The following AKR1C8 variants were observed in gnomAD, a reference collection of about 807,000 sequenced individuals.
AKR1C8 encodes aldo-keto reductase family 1 member C-like protein 1.
the AKR1C8 span, among the ~76,000 whole-genome samples, chr10:5,119,526 T>C: frequency 0.28 from 42,617 of 152,214 alleles, 6,422 homozygotes; most frequent in African/African-American, 0.39. Flanking sequence ...ACATTATTTT[T>C]GTTCTCTATC....
the AKR1C8 span, among the ~76,000 whole-genome samples, chr10:5,151,808 C>T: frequency 2.6e-5 from 4 of 152,204 alleles, no homozygotes; most frequent in Admixed American, 2.0e-4. Context: ...CTGCCCACCT[C>T]GGCCTCCCAA....
the AKR1C8 span, among the ~76,000 whole-genome samples, chr10:5,153,485 G>A: frequency 1.2e-4 from 18 of 152,222 alleles, no homozygotes; most frequent in African/African-American, 3.6e-4. Flanking sequence ...GGGTTAGTCC[G>A]TTGTCACACT....
At chr10:5,135,305 A>G in the AKR1C8 span, 2 of 164,588 alleles carry the variant, frequency 1.2e-5, no homozygotes, top group African/African-American at 4.8e-5. Flanking sequence ...TTGTATAAAC[A>G]ATGGGCAGGC....
At chr10:5,184,906 G>A in the AKR1C8 span, 2 of 392,950 alleles carry the variant, frequency 5.1e-6, no homozygotes, top group Non-Finnish European at 1.1e-5. Flanking sequence ...TCCCAGATGA[G>A]CCCTTCCAAG....
the AKR1C8 span, among the ~76,000 whole-genome samples, chr10:5,167,476 C>T: frequency 6.3e-4 from 96 of 152,286 alleles, no homozygotes; most frequent in Non-Finnish European, 1.1e-3. Context: ...AAGTTCATGT[C>T]CTTTGTAGGG....
chr10:5,125,788 G>T, the AKR1C8 span, among the ~76,000 whole-genome samples: 1 of 152,170 alleles, frequency 6.6e-6, no homozygotes. Flanking sequence ...GCTGGTGCTG[G>T]TACCCACTGC....
chr10:5,126,595 G>T, the AKR1C8 span, among the ~76,000 whole-genome samples: 8 of 152,188 alleles, frequency 5.3e-5, no homozygotes, highest in South Asian at 1.7e-3. Context: ...CTGGCCTGGG[G>T]TGGTATCCCT....
At chr10:5,163,220 T>C in the AKR1C8 span, among the ~76,000 whole-genome samples, 1 of 152,180 alleles carries the variant, frequency 6.6e-6, no homozygotes, top group African/African-American at 2.4e-5. Flanking sequence ...ATTAGAGAAA[T>C]TGGCTTCACC....
chr10:5,165,927 T>C, the AKR1C8 span, among the ~76,000 whole-genome samples: 1 of 152,000 alleles, frequency 6.6e-6, no homozygotes, highest in Non-Finnish European at 1.5e-5. Flanking sequence ...GACTAACTTG[T>C]TCAGATCTAT....
chr10:5,161,928 T>A, the AKR1C8 span: 1 of 534,596 alleles, frequency 1.9e-6, no homozygotes, highest in Non-Finnish European at 3.8e-6. Flanking sequence ...GTGACCTTTC[T>A]AGGGCCGGGT....
the AKR1C8 span, chr10:5,157,517 C>T: frequency 2.9e-6 from 1 of 350,224 alleles, no homozygotes; most frequent in Non-Finnish European, 5.8e-6. Context: ...GCCCTCCTCC[C>T]TTAGCACAGA....
At chr10:5,120,773 G>A in the AKR1C8 span, among the ~76,000 whole-genome samples, 2 of 152,020 alleles carry the variant, frequency 1.3e-5, no homozygotes, top group Admixed American at 6.6e-5. Flanking sequence ...TTTTGGGGGG[G>A]ACTGAATCTC....
chr10:5,180,957 G>A, the AKR1C8 span, among the ~76,000 whole-genome samples: 1,084 of 152,254 alleles, frequency 7.1e-3, 2 homozygotes, highest in Non-Finnish European at 0.01. Context: ...GCAATGCCTC[G>A]CCCTGCTTTG....
At chr10:5,182,007 T>A in the AKR1C8 span, among the ~76,000 whole-genome samples, 4 of 152,186 alleles carry the variant, frequency 2.6e-5, no homozygotes, top group Non-Finnish European at 5.9e-5. Context: ...AAAACTGAAG[T>A]AATCCTTTTT....
the AKR1C8 span, chr10:5,160,967 A>G: frequency 4.4e-6 from 2 of 454,216 alleles, 1 homozygote; most frequent in South Asian, 3.2e-5. Flanking sequence ...GCTCGGCCAA[A>G]CAACCTTCAA....
At chr10:5,139,909 C>T in the AKR1C8 span, among the ~76,000 whole-genome samples, 2 of 152,076 alleles carry the variant, frequency 1.3e-5, no homozygotes, top group African/African-American at 2.4e-5. Context: ...TGACAAAGGG[C>T]TAATATCCAG....
At chr10:5,133,790 G>C in the AKR1C8 span, among the ~76,000 whole-genome samples, 1 of 152,182 alleles carries the variant, frequency 6.6e-6, no homozygotes, top group Non-Finnish European at 1.5e-5. Context: ...ACGGGTGGCA[G>C]TCTGTTGTGT....
the AKR1C8 span, among the ~76,000 whole-genome samples, chr10:5,183,014 G>GT: frequency 6.6e-6 from 1 of 151,922 alleles, no homozygotes; most frequent in African/African-American, 2.4e-5. Context: ...ATCATGACTT[G>GT]TTTTTGACAA....
At chr10:5,154,314 G>T in the AKR1C8 span, 1 of 370,398 alleles carries the variant, frequency 2.7e-6, no homozygotes, top group African/African-American at 2.1e-5. Flanking sequence ...GGCACACATG[G>T]TTTAATCTAT....
Sources: allele counts gnomAD v4.1 joint callset (sites outside exome capture counted in the v4.1 genomes callset), GRCh38; gene constraint gnomAD v4.1.1; transcripts MANE v1.5; gene names NCBI Gene and HGNC (gene_info 2026-07-23, HGNC 2026-07-21).